LRRC4C: variants seen among roughly 807,000 people sequenced by gnomAD.
LRRC4C encodes leucine rich repeat containing 4C.
In LRRC4C, 5 loss-of-function variants were observed where a neutral mutation model predicts 33.6. That is an observed-to-expected ratio of 0.15 (90% confidence interval 0.08 to 0.31). The LOEUF (loss-of-function observed/expected upper bound fraction) is 0.31. Ranked by LOEUF, LRRC4C falls within the 10% of genes least tolerant of loss-of-function variation. The pLI is 1.00. For synonymous variants in LRRC4C, 329 were observed against 302.0 expected (o/e 1.09, Z -0.93); for missense variants, 560 against 796.7 (o/e 0.70, Z 3.58).
At chr11:40,356,934 C>T (rs969010670) in intron 3 of LRRC4C, among the ~76,000 whole-genome samples, 3 of 152,070 alleles carry the variant, frequency 2.0e-5, no homozygotes, top group South Asian at 4.1e-4. Flanking sequence ...ATTGGGCAGA[C>T]AAGAAAACTG....
At chr11:41,028,514 T>C (rs1344379707) in intron 1 of LRRC4C, among the ~76,000 whole-genome samples, 1 of 151,522 alleles carries the variant, frequency 6.6e-6, no homozygotes, top group East Asian at 1.9e-4. Flanking sequence ...CTTAAATTTA[T>C]TCTACACAAT....
intron 1 of LRRC4C, among the ~76,000 whole-genome samples, chr11:41,450,916 T>C (rs1276452557): frequency 6.6e-6 from 1 of 152,160 alleles, no homozygotes; most frequent in African/African-American, 2.4e-5. Context: ...TCTTTAATCT[T>C]TCCCAACCAC....
At chr11:40,891,095 G>A (rs1955687373) in intron 2 of LRRC4C, among the ~76,000 whole-genome samples, 2 of 152,072 alleles carry the variant, frequency 1.3e-5, no homozygotes, top group African/African-American at 2.4e-5. Context: ...CCAGAAAACG[G>A]TAGAGGGTGC....
intron 2 of LRRC4C, among the ~76,000 whole-genome samples, chr11:40,843,770 T>C (rs747613758): frequency 6.6e-6 from 1 of 152,192 alleles, no homozygotes; most frequent in African/African-American, 2.4e-5. Flanking sequence ...GGTGTTCATA[T>C]AGTAACAACT....
At chr11:41,257,505 C>T (rs1305460612) in intron 1 of LRRC4C, among the ~76,000 whole-genome samples, 4 of 151,984 alleles carry the variant, frequency 2.6e-5, no homozygotes, top group Non-Finnish European at 5.9e-5. Context: ...GATAGAAGAA[C>T]ACCAGTTATT....
intron 5 of LRRC4C, among the ~76,000 whole-genome samples, chr11:40,187,626 A>C (rs983899192): frequency 6.6e-6 from 1 of 152,014 alleles, no homozygotes; most frequent in Non-Finnish European, 1.5e-5. Context: ...TATACACGCA[A>C]GGGCAAAGAG....
At chr11:41,371,837 A>T (rs1480715780) in intron 1 of LRRC4C, among the ~76,000 whole-genome samples, 1 of 152,296 alleles carries the variant, frequency 6.6e-6, no homozygotes, top group African/African-American at 2.4e-5. Flanking sequence ...CTTCCTCCAA[A>T]ACAGAGATAG....
intron 1 of LRRC4C, among the ~76,000 whole-genome samples, chr11:41,432,370 C>T (rs575879959): frequency 6.6e-6 from 1 of 152,032 alleles, no homozygotes; most frequent in Non-Finnish European, 1.5e-5. Context: ...GAGTGTGAAG[C>T]AGTTAGTCAA....
At chr11:40,896,888 G>A (rs1327116380) in intron 2 of LRRC4C, among the ~76,000 whole-genome samples, 3 of 152,164 alleles carry the variant, frequency 2.0e-5, no homozygotes, top group African/African-American at 4.8e-5. Context: ...TATCACAGAA[G>A]TGAGATAGAT....
chr11:40,590,883 C>G (rs1959017889), intron 3 of LRRC4C, among the ~76,000 whole-genome samples: 1 of 152,154 alleles, frequency 6.6e-6, no homozygotes, highest in East Asian at 1.9e-4. Flanking sequence ...CTCTTCAAAG[C>G]TGTCAGACAG....
intron 5 of LRRC4C, among the ~76,000 whole-genome samples, chr11:40,178,406 C>G (rs966777266): frequency 6.6e-6 from 1 of 152,144 alleles, no homozygotes; most frequent in Non-Finnish European, 1.5e-5. Context: ...GTATACAACC[C>G]CAGTTAATGT....
At chr11:40,443,198 G>A (rs1409195883) in intron 3 of LRRC4C, among the ~76,000 whole-genome samples, 1 of 152,150 alleles carries the variant, frequency 6.6e-6, no homozygotes, top group Non-Finnish European at 1.5e-5. Flanking sequence ...ATGATTGGCT[G>A]TACCAGGAGA....
chr11:41,032,196 A>G (rs1433425506), intron 1 of LRRC4C, among the ~76,000 whole-genome samples: 1 of 152,080 alleles, frequency 6.6e-6, no homozygotes, highest in Non-Finnish European at 1.5e-5. Flanking sequence ...TCTGCCCCAG[A>G]TTAATCTCAG....
intron 5 of LRRC4C, among the ~76,000 whole-genome samples, chr11:40,200,867 C>T (rs1234818875): frequency 6.6e-6 from 1 of 151,534 alleles, no homozygotes; most frequent in East Asian, 1.9e-4. Flanking sequence ...ACCACAGAAT[C>T]CTTGGTAAGT....
At chr11:40,226,880 G>A (rs1004290080) in intron 5 of LRRC4C, among the ~76,000 whole-genome samples, 2 of 152,196 alleles carry the variant, frequency 1.3e-5, no homozygotes, top group African/African-American at 4.8e-5. Flanking sequence ...AGCTCAGCAG[G>A]TATTCACTTA....
intron 1 of LRRC4C, among the ~76,000 whole-genome samples, chr11:40,966,624 A>G (rs539586111): frequency 6.6e-6 from 1 of 151,946 alleles, no homozygotes; most frequent in Non-Finnish European, 1.5e-5. Context: ...TGCACACTTG[A>G]TGGAAGATAC....
At chr11:40,445,760 C>A (rs1373887313) in intron 3 of LRRC4C, 1 of 151,926 alleles carries the variant, frequency 6.6e-6, no homozygotes, top group Non-Finnish European at 1.5e-5. Flanking sequence ...AGGATATTTC[C>A]CCTGTGTTAA....
intron 3 of LRRC4C, among the ~76,000 whole-genome samples, chr11:40,348,137 A>G (rs532745751): frequency 4.6e-5 from 7 of 152,288 alleles, no homozygotes; most frequent in Non-Finnish European, 7.4e-5. Context: ...ACCATAACAG[A>G]TTTAATAATA....
intron 3 of LRRC4C, among the ~76,000 whole-genome samples, chr11:40,552,556 G>A (rs1238710515): frequency 6.6e-6 from 1 of 152,182 alleles, no homozygotes; most frequent in Admixed American, 6.5e-5. Context: ...GGCACTGGAT[G>A]TCCAGTAGAC....
Sources: allele counts gnomAD v4.1 joint callset (sites outside exome capture counted in the v4.1 genomes callset), GRCh38; gene constraint gnomAD v4.1.1; transcripts MANE v1.5; gene names NCBI Gene and HGNC (gene_info 2026-07-23, HGNC 2026-07-21).